The following WDR27 variants were observed in gnomAD, a reference collection of about 807,000 sequenced individuals.
WDR27 encodes WD repeat-containing protein 27.
A neutral mutation model predicts 114.4 loss-of-function variants in WDR27; 100 were observed. The ratio of observed to expected loss-of-function variants is 0.87; its 90% CI spans 0.74 to 1.03. The LOEUF (loss-of-function observed/expected upper bound fraction) is 1.03, where lower values mean the gene tolerates loss of function less well. Ranked by LOEUF, WDR27 falls within the 50% of genes least tolerant of loss-of-function variation. WDR27 has a pLI of 0.00. For synonymous variants in WDR27, 449 were observed against 423.1 expected, an observed-to-expected ratio of 1.06 and a Z score of -0.75; for missense variants, 1,129 against 1,092.9, an observed-to-expected ratio of 1.03 and a Z score of -0.47.
At chr6:169,509,172 A>G (rs908372004) in intron 25 of WDR27, among the ~76,000 whole-genome samples, 1 of 152,254 alleles carries the variant, frequency 6.6e-6, no homozygotes, top group Non-Finnish European at 1.5e-5. Flanking sequence ...CACGGGTAGG[A>G]AGAACCAATA....
chr6:169,520,664 A>G (rs1427966452), intron 25 of WDR27, among the ~76,000 whole-genome samples: 2 of 152,136 alleles, frequency 1.3e-5, no homozygotes, highest in Non-Finnish European at 2.9e-5. Flanking sequence ...CAGAAAAGCA[A>G]TTCAGAAATT....
intron 25 of WDR27, among the ~76,000 whole-genome samples, chr6:169,475,747 C>G (rs1787055242): frequency 6.6e-6 from 1 of 152,146 alleles, no homozygotes; most frequent in Non-Finnish European, 1.5e-5. Context: ...TTGCACTTCC[C>G]TCTCTACATT....
chr6:169,650,273 C>A (rs1433578835), intron 14 of WDR27, among the ~76,000 whole-genome samples: 2 of 144,944 alleles, frequency 1.4e-5, no homozygotes, highest in African/African-American at 5.1e-5. Context: ...CTCCATCTAC[C>A]CACCCACTCA....
intron 25 of WDR27, among the ~76,000 whole-genome samples, chr6:169,537,685 G>T (rs955913274): frequency 6.6e-6 from 1 of 152,124 alleles, no homozygotes; most frequent in Admixed American, 6.5e-5. Context: ...CACCATGGGG[G>T]TAGTGCCAGA....
intron 25 of WDR27, among the ~76,000 whole-genome samples, chr6:169,475,807 C>CTG (rs1367917254): frequency 1.3e-5 from 2 of 152,032 alleles, no homozygotes; most frequent in Non-Finnish European, 2.9e-5. Context: ...TTTTTTATTT[C>CTG]TGTGTCTTTG....
chr6:169,636,022 C>T (rs191068037), intron 19 of WDR27, among the ~76,000 whole-genome samples: 60 of 152,238 alleles, frequency 3.9e-4, no homozygotes, highest in African/African-American at 1.1e-3. Flanking sequence ...TATTATTCCC[C>T]ATATATATGT....
chr6:169,634,125 CTAA>C (rs1817091978), intron 20 of WDR27, among the ~76,000 whole-genome samples: 1 of 152,182 alleles, frequency 6.6e-6, no homozygotes, highest in Non-Finnish European at 1.5e-5. Context: ...GATACAATGA[CTAA>C]ATTAGTAGAC....
At chr6:169,608,368 G>T (rs1338016255) in intron 22 of WDR27, among the ~76,000 whole-genome samples, 2 of 152,170 alleles carry the variant, frequency 1.3e-5, no homozygotes, top group Non-Finnish European at 2.9e-5. Flanking sequence ...TAATGCTGCT[G>T]ATAAAGACAT....
chr6:169,446,482 T>C, the WDR27 span, among the ~76,000 whole-genome samples: 5 of 152,120 alleles, frequency 3.3e-5, no homozygotes, highest in Admixed American at 1.3e-4. Flanking sequence ...TTCCTTACCA[T>C]GGCACACACA....
intron 1 of WDR27, among the ~76,000 whole-genome samples, chr6:169,691,200 GCGAGACTCTGTCT>G (rs1784416028): frequency 6.6e-6 from 1 of 152,228 alleles, no homozygotes; most frequent in East Asian, 1.9e-4. Context: ...GGGCAACAGA[GCGAGACTCTGTCT>G]CAAAAAAATT....
intron 2 of WDR27, among the ~76,000 whole-genome samples, chr6:169,685,250 T>C (rs1234910839): frequency 6.7e-6 from 1 of 148,292 alleles, no homozygotes; most frequent in African/African-American, 2.5e-5. Context: ...TCAGGACATA[T>C]CAACCATGAA....
intron 13 of WDR27, among the ~76,000 whole-genome samples, chr6:169,654,519 A>AC (rs1823461634): frequency 6.6e-6 from 1 of 152,198 alleles, no homozygotes. Flanking sequence ...ATCATAAGAC[A>AC]CCTCTGTATC....
intron 25 of WDR27, among the ~76,000 whole-genome samples, chr6:169,485,708 T>C (rs1788792936): frequency 6.6e-6 from 1 of 152,202 alleles, no homozygotes; most frequent in Admixed American, 6.5e-5. Flanking sequence ...CACATGTACG[T>C]GTACGTTCAC....
intron 17 of WDR27, among the ~76,000 whole-genome samples, chr6:169,642,280 T>C (rs1394785040): frequency 6.6e-6 from 1 of 151,872 alleles, no homozygotes; most frequent in Non-Finnish European, 1.5e-5. Context: ...CTTGTGCAGT[T>C]GAGATGGTTA....
Position 169,688,910 on chromosome 6 carries a change from A to T in WDR27, c.96T>A (p.Ser32=). ...KYLVESKESV[S]HVQLACSMQD... ...GCATGCTGCAAGCAAGCTGAACATG[A>T]GACACAGACTCCTTGGATTCAACCA... Residue 32 remains serine, a synonymous_variant, in exon 2 of 26, where the codon TCT becomes TCA. Coordinates refer to ENST00000448612, the MANE Select transcript of WDR27 (RefSeq NM_182552.5). 6.2e-7 allele frequency: 1 copy of T among 1,613,966 alleles called. No individual in the cohort carries two copies.
intron 2 of WDR27, among the ~76,000 whole-genome samples, chr6:169,686,069 C>G (rs1202413228): frequency 6.6e-6 from 1 of 152,160 alleles, no homozygotes; most frequent in African/African-American, 2.4e-5. Flanking sequence ...AGAAAATAAA[C>G]TTCCAGCCAA....
intron 1 of WDR27, among the ~76,000 whole-genome samples, chr6:169,694,974 A>G (rs1785481597): frequency 6.6e-6 from 1 of 152,268 alleles, no homozygotes; most frequent in Non-Finnish European, 1.5e-5. Context: ...GGCCTGGGAC[A>G]GAGACCTCTC....
At chr6:169,480,819 G>A (rs1434235233) in intron 25 of WDR27, among the ~76,000 whole-genome samples, 1 of 151,928 alleles carries the variant, frequency 6.6e-6, no homozygotes, top group Non-Finnish European at 1.5e-5. Flanking sequence ...TTTGTGTCTA[G>A]CTCAAGGTTT....
At chr6:169,651,890 C>A in intron 14 of WDR27, 40 bp downstream of exon 14, 1 of 1,573,796 alleles carries the variant, frequency 6.4e-7, no homozygotes, top group Non-Finnish European at 8.7e-7. Flanking sequence ...ATCTGTGACG[C>A]AGGTGCATTT....
Sources: allele counts gnomAD v4.1 joint callset (sites outside exome capture counted in the v4.1 genomes callset), GRCh38; gene constraint gnomAD v4.1.1; transcripts MANE v1.5; gene names NCBI Gene and HGNC (gene_info 2026-07-23, HGNC 2026-07-21).